The following XPR1 variants were observed in gnomAD, a reference collection of about 807,000 sequenced individuals.
XPR1 encodes solute carrier family 53 member 1.
Under a neutral mutation model 87.5 loss-of-function variants are expected in XPR1, and 28 were observed. The observed-to-expected ratio is 0.32, with a 90% CI of 0.24 to 0.44. XPR1 has a LOEUF of 0.44. Among genes scored for constraint, XPR1 ranks in the 20% least tolerant of loss-of-function variants. The pLI, the probability that XPR1 is intolerant of heterozygous loss-of-function variation, is 1.00. For synonymous variants in XPR1, 300 were observed against 306.1 expected, an observed-to-expected ratio of 0.98 and a Z score of 0.21; for missense variants, 559 against 862.3, an observed-to-expected ratio of 0.65 and a Z score of 4.41.
chr1:180,806,382 C>T, intron 5 of XPR1, 92 bp from the exon 6 acceptor site: 2 of 1,483,286 alleles, frequency 1.3e-6, no homozygotes, highest in Admixed American at 2.0e-5. Context: ...AAAAAGTTGT[C>T]AGAATATAAT....
chr1:180,857,389 GA>G (rs1398957205), intron 11 of XPR1, among the ~76,000 whole-genome samples: 1 of 152,132 alleles, frequency 6.6e-6, no homozygotes, highest in Non-Finnish European at 1.5e-5. Context: ...ACTGAGGCAG[GA>G]AATTTGTCTG....
rs554010149 is a variant in XPR1, at chr1:180,764,473, T to C, written c.122-23280T>C. ...AAAACTTTCTTGTTATTTTTGTTTCTGTTTTTGTTTTTTGAGATGGGGGTC... is the reference window on the plus strand; with the variant it reads ...AAAACTTTCTTGTTATTTTTGTTTCCGTTTTTGTTTTTTGAGATGGGGGTC... On this transcript the variant is annotated intron_variant, in intron 2 of 14. Coordinates refer to ENST00000367590, the MANE Select transcript of XPR1 (RefSeq NM_004736.4). Among the ~76,000 whole-genome samples the C allele has an allele frequency of 4.2e-4, 64 of 152,162 alleles. 1 individual carries two copies. In the South Asian group the frequency reaches 1.0e-2, roughly 24 times the overall value.
At chr1:180,771,292 T>A (rs58685814) in intron 2 of XPR1, among the ~76,000 whole-genome samples, 6,662 of 152,232 alleles carry the variant, frequency 0.044, 194 homozygotes, top group African/African-American at 0.081. Flanking sequence ...GTTTTTTTTT[T>A]AATTTGTCTT....
At chr1:180,711,205 A>G (rs1657771162) in intron 2 of XPR1, among the ~76,000 whole-genome samples, 1 of 151,822 alleles carries the variant, frequency 6.6e-6, no homozygotes, top group Admixed American at 6.6e-5. Flanking sequence ...CACTTCCCAG[A>G]CAGGGTGGCG....
At chr1:180,679,751 C>T (rs188304343) in intron 1 of XPR1, among the ~76,000 whole-genome samples, 11 of 152,114 alleles carry the variant, frequency 7.2e-5, no homozygotes, top group Admixed American at 2.6e-4. Flanking sequence ...TAAAGTAAAC[C>T]GATACTGTCT....
At chr1:180,839,287 T>A (rs1229062287) in intron 11 of XPR1, among the ~76,000 whole-genome samples, 2 of 152,178 alleles carry the variant, frequency 1.3e-5, no homozygotes, top group Non-Finnish European at 2.9e-5. Context: ...ATGAACTGAA[T>A]GAAAAAGGAT....
chr1:180,747,323 G>T (rs1415629226), intron 2 of XPR1, among the ~76,000 whole-genome samples: 1 of 152,144 alleles, frequency 6.6e-6, no homozygotes, highest in Non-Finnish European at 1.5e-5. Context: ...TTCAGAAGGT[G>T]CTCAGGGCAT....
At chr1:180,664,689 C>T (rs1333804386) in intron 1 of XPR1, among the ~76,000 whole-genome samples, 2 of 152,204 alleles carry the variant, frequency 1.3e-5, no homozygotes, top group Admixed American at 6.5e-5. Flanking sequence ...TCGACTGGCT[C>T]TGATCCTAGC....
intron 2 of XPR1, among the ~76,000 whole-genome samples, chr1:180,704,277 T>TATATATATA (rs59197475): frequency 2.0e-3 from 267 of 135,886 alleles, no homozygotes; most frequent in Non-Finnish European, 2.3e-3. Context: ...TATATATATA[T>TATATATATA]TATCAGATTA....
chr1:180,850,156 A>C (rs762203017), intron 11 of XPR1, among the ~76,000 whole-genome samples: 1 of 152,202 alleles, frequency 6.6e-6, no homozygotes, highest in African/African-American at 2.4e-5. Flanking sequence ...ACTTCTAAAA[A>C]TATTTTATTT....
At chr1:180,862,190 T>A (rs1394757980) in intron 11 of XPR1, among the ~76,000 whole-genome samples, 1 of 152,070 alleles carries the variant, frequency 6.6e-6, no homozygotes, top group Non-Finnish European at 1.5e-5. Flanking sequence ...ATTTTTTTTT[T>A]AACTAATTGA....
intron 11 of XPR1, among the ~76,000 whole-genome samples, chr1:180,859,876 G>A (rs948917983): frequency 2.6e-5 from 4 of 151,960 alleles, no homozygotes; most frequent in Non-Finnish European, 5.9e-5. Flanking sequence ...TTAAAGTTGT[G>A]AATAAATACA....
At chr1:180,763,776 T>C (rs1648146150) in intron 2 of XPR1, among the ~76,000 whole-genome samples, 1 of 152,224 alleles carries the variant, frequency 6.6e-6, no homozygotes, top group South Asian at 2.1e-4. Flanking sequence ...AGCAGATGAC[T>C]CTGGAGGAAA....
chr1:180,883,973 C>T, intron 14 of XPR1, 33 bp from the exon 15 acceptor site: 1 of 1,601,654 alleles, frequency 6.2e-7, no homozygotes, highest in Non-Finnish European at 8.5e-7. Flanking sequence ...GGGTAATGGA[C>T]TAAGTGCTTT....
chr1:180,851,105 T>C lies in XPR1; in HGVS notation c.1502-12603T>C, dbSNP rs190831761. On this transcript the variant is annotated intron_variant, in intron 11 of 14. Transcript: ENST00000367590. ...AACACATAGTTTATCTGCTCCAGAA[T>C]TGTTATTTGGTTATAGAACAAAAGG... Among the ~76,000 whole-genome samples, 10 of 152,304 alleles carry C rather than the reference T, an allele frequency of 6.6e-5. No homozygotes were observed. The East Asian group carries it at 9.6e-4, about 15-fold the overall frequency.
chr1:180,806,525 C>T lies in XPR1; in HGVS notation c.649C>T (p.Arg217Cys), dbSNP rs779595941. ...TGGTGACAGACAAAAGGCTATGAAGCGTTTACGTGTCCCCCCTTTGGGAGC... is the reference window on the plus strand; with the variant it reads ...TGGTGACAGACAAAAGGCTATGAAGTGTTTACGTGTCCCCCCTTTGGGAGC... ...EDGDRQKAMKRLRVPPLGAAQ... is the reference protein window; with the variant it reads ...EDGDRQKAMKCLRVPPLGAAQ... Residue 217 changes from arginine (R) to cysteine (C), a missense_variant, in exon 6 of 15, where the codon CGT becomes TGT. By Grantham distance (180) the Arg-to-Cys change is radical (BLOSUM62 -3). This residue lies in a region of XPR1 where 159 missense variants were observed against 263.3 expected (regional missense o/e 0.60). Coordinates refer to ENST00000367590, the MANE Select transcript of XPR1 (RefSeq NM_004736.4). 7.4e-6 allele frequency: 12 copies of T among 1,612,816 alleles called. No individual in the cohort carries two copies. The highest frequency in any genetic ancestry group is 1.7e-5 in the Admixed American group (1 of 59,984).
intron 14 of XPR1, among the ~76,000 whole-genome samples, chr1:180,881,706 A>G (rs944079679): frequency 2.6e-5 from 4 of 152,196 alleles, no homozygotes; most frequent in African/African-American, 9.6e-5. Flanking sequence ...AGGTAGTATC[A>G]GTAACTCATT....
At chr1:180,765,102 A>G (rs929524097) in intron 2 of XPR1, among the ~76,000 whole-genome samples, 2 of 152,106 alleles carry the variant, frequency 1.3e-5, no homozygotes, top group African/African-American at 4.8e-5. Flanking sequence ...ATAATTTTTT[A>G]TGTGCAGGAA....
At chr1:180,833,638 G>A (rs1196563182) in intron 9 of XPR1, among the ~76,000 whole-genome samples, 1 of 151,750 alleles carries the variant, frequency 6.6e-6, no homozygotes, top group East Asian at 1.9e-4. Flanking sequence ...AGATTTGAGT[G>A]CAAACTTAAA....
Sources: allele counts gnomAD v4.1 joint callset (sites outside exome capture counted in the v4.1 genomes callset), GRCh38; gene constraint gnomAD v4.1.1; regional missense constraint gnomAD v4.1.1; transcripts MANE v1.5; gene names NCBI Gene and HGNC (gene_info 2026-07-23, HGNC 2026-07-21).